Variants in PTCH1 observed in about 807,000 individuals in gnomAD.
PTCH1 encodes patched 1, also known as protein patched homolog 1.
PTCH1 carries 14 observed loss-of-function variants against 144.6 expected under a neutral mutation model. That is an observed-to-expected ratio of 0.10 (90% CI 0.06 to 0.15). The LOEUF is 0.15. Ranked by LOEUF, PTCH1 falls within the 10% of genes least tolerant of loss-of-function variation. The pLI is 1.00. For missense variants in PTCH1, 1,623 were observed against 1,948.3 expected, an observed-to-expected ratio of 0.83 and a Z score of 3.14; for synonymous variants, 833 against 793.6, an observed-to-expected ratio of 1.05 and a Z score of -0.83.
chr9:95,446,620 G>C, intron 23 of PTCH1: 1 of 533,726 alleles, frequency 1.9e-6, no homozygotes, highest in Admixed American at 3.0e-5. Flanking sequence ...CCTCCATAAA[G>C]ACTGGCAAAT....
intron 2 of PTCH1, among the ~76,000 whole-genome samples, chr9:95,496,519 T>C (rs946066627): frequency 2.7e-5 from 4 of 149,322 alleles, no homozygotes; most frequent in African/African-American, 9.9e-5. Context: ...TTGGGAGCCA[T>C]GTGAAACTGT....
chr9:95,498,244 G>A (rs886998401), intron 2 of PTCH1, among the ~76,000 whole-genome samples: 1 of 152,152 alleles, frequency 6.6e-6, no homozygotes, highest in Admixed American at 6.5e-5. Context: ...TGTGGTATGG[G>A]GACTTGCTTC....
At chr9:95,510,317 A>C (rs544427070), upstream of PTCH1, among the ~76,000 whole-genome samples, 16 of 152,274 alleles carry the variant, frequency 1.1e-4, no homozygotes, top group African/African-American at 3.6e-4. Context: ...ATGACGTAGG[A>C]GATTATAAAT....
rs2117971100 is a variant in PTCH1 at position 95,467,356 on chromosome 9, C to T, written c.2320G>A (p.Gly774Arg). 1.2e-6 allele frequency: 2 copies of T among 1,614,172 alleles called. No individual in the cohort carries two copies. Among genetic ancestry groups the T allele is most frequent in the Non-Finnish European group, 1.7e-6 (2 of 1,180,038 alleles). ...GGTACAATGTCCGTAAGGTCCAGCC[C>T]GTCTCTCACTCGGGTGGTGCCATAA... The part of the protein sequence containing the change: ...SLYGTTRVRD[G>R]LDLTDIVPRE... The change falls in exon 15 of 24, where the codon GGG becomes AGG. Residue 774 changes from glycine to arginine, a missense_variant. Around this residue, in one of 7 missense-constraint regions of PTCH1, gnomAD observed 504 missense variants for 679.3 expected, o/e 0.74. Coordinates refer to ENST00000331920, the MANE Select transcript of PTCH1 (RefSeq NM_000264.5).
intron 14 of PTCH1, among the ~76,000 whole-genome samples, chr9:95,467,988 C>A (rs949417203): frequency 6.6e-6 from 1 of 152,148 alleles, no homozygotes; most frequent in Non-Finnish European, 1.5e-5. Flanking sequence ...CTCACTGTTG[C>A]CTCCAACTCC....
At position 95,453,492 on chromosome 9, in the gene PTCH1, G is replaced by A. The variant is rs200435277; in HGVS notation, c.3435C>T (p.Phe1145=). 2.4e-4 allele frequency: 392 copies of A among 1,614,026 alleles called. 1 individual carries two copies. In the South Asian group the frequency reaches 2.8e-3, roughly 12 times the overall value. Residue 1145 remains phenylalanine, a synonymous_variant, in exon 20 of 24, where the codon TTC becomes TTT. Transcript: ENST00000331920. The part of the protein sequence containing the change: ...LGVLMLAGSE[F]DFIVRYFFAV... ...CGCCTGCTTACCTGACAATGAAGTC[G>A]AACTCAGATCCCGCCAGCATCAGCA...
rs766243182 is a variant in PTCH1, at chr9:95,453,451, CAT to C, written c.3449+25_3449+26del. The C allele has an allele frequency of 6.8e-6, 11 of 1,613,412 alleles. No homozygotes were observed. The South Asian group carries it at 8.8e-5, about 13-fold the overall frequency. On this transcript the variant is annotated intron_variant, in intron 20 of 23. Coordinates refer to ENST00000331920, the MANE Select transcript of PTCH1 (RefSeq NM_000264.5). ...GGCCCAATCACAATGATTTCTAAAA[CAT>C]GTCTCCTTGCACACGCCTGCTTACC...
At chr9:95,507,540 A>C in intron 1 of PTCH1, 1 of 713,334 alleles carries the variant, frequency 1.4e-6, no homozygotes. Context: ...CCAGGCCCTA[A>C]GGAGAGGCGG....
rs1841396845 is a variant in PTCH1 at position 95,479,980 on chromosome 9, T to C, written c.1056A>G (p.Gly352=). 2 of 1,614,150 alleles carry C rather than the reference T, an allele frequency of 1.2e-6. No individual in the cohort carries two copies. Among genetic ancestry groups the C allele is most frequent in the Middle Eastern group, 1.6e-4 (1 of 6,062 alleles). ...IVGGTVKNST[G]KLVSAHALQT... is the part of the protein sequence containing the mutation. The stretch of plus-strand genomic sequence containing the variant: ...GGGAGCTGGCTTACCTGACGAGTTT[T>C]CCAGTGCTGTTCTTGACTGTGCCAC... The change falls in exon 7 of 24, where the codon GGA becomes GGG. Residue 352 remains glycine (G), a synonymous_variant. Coordinates refer to ENST00000331920, the MANE Select transcript of PTCH1 (RefSeq NM_000264.5).
At chr9:95,504,109 T>C (rs1454110681) in intron 2 of PTCH1, among the ~76,000 whole-genome samples, 5 of 133,904 alleles carry the variant, frequency 3.7e-5, no homozygotes, top group Non-Finnish European at 6.3e-5. Flanking sequence ...TGCGATAATA[T>C]ATAACAAATG....
intron 3 of PTCH1, chr9:95,482,414 T>C (rs1841619107): frequency 1.7e-6 from 1 of 593,250 alleles, no homozygotes; most frequent in Non-Finnish European, 3.0e-6. Flanking sequence ...AGGGTGTTTA[T>C]GTAAATGAAT....
rs376685937 is a variant in PTCH1, at chr9:95,516,787, C to A, written c.-316G>T. The A allele has an allele frequency of 1.9e-5, 31 of 1,612,572 alleles. No homozygotes were observed. The African/African-American group carries it at 3.5e-4, about 18-fold the overall frequency. ...TTCGGCGGAGTGCAGCGCGGACTCA[C>A]AATTACAAGCCTGTTTCTATTAAGC... On this transcript the variant is annotated 5_prime_UTR_variant, in exon 1 of 23. Coordinates refer to the PTCH1 transcript ENST00000430669.
At position 95,456,402 on chromosome 9, in the gene PTCH1, C is replaced by A. The variant is rs757268536; in HGVS notation, c.3180G>T (p.Leu1060=). The part of the protein sequence containing the change: ...PWTAGIIVMV[L]ALMTVELFGM... ...CGAACAGCTCGACCGTCATCAGCGC[C>A]AGGACCATCACCTGGAGCAGGGCAC... is the stretch of plus-strand genomic sequence containing the variant. The change falls in exon 19 of 24, where the codon CTG becomes CTT. Residue 1060 remains leucine, a synonymous_variant. Coordinates refer to ENST00000331920, the MANE Select transcript of PTCH1 (RefSeq NM_000264.5). 1.2e-6 allele frequency: 2 copies of A among 1,613,940 alleles called. No individual in the cohort carries two copies. Among genetic ancestry groups the A allele is most frequent in the Admixed American group, 3.3e-5 (2 of 60,016 alleles).
At chr9:95,494,405 G>T (rs1842656019) in intron 2 of PTCH1, 1 of 985,394 alleles carries the variant, frequency 1.0e-6, no homozygotes, top group African/African-American at 1.7e-5. Context: ...CTTCTTCATT[G>T]GTTACTTGCC....
At chr9:95,505,492 G>T (rs1473910973) in intron 2 of PTCH1, among the ~76,000 whole-genome samples, 2 of 152,104 alleles carry the variant, frequency 1.3e-5, no homozygotes, top group African/African-American at 2.4e-5. Flanking sequence ...AAAAATGTTT[G>T]TCTTCGAAAA....
At chr9:95,507,556 A>C in intron 1 of PTCH1, 2 of 533,134 alleles carry the variant, frequency 3.8e-6, no homozygotes, top group Non-Finnish European at 4.8e-6. Flanking sequence ...GGCGGCTCAA[A>C]ACCTGGAAAA....
Position 95,470,086 on chromosome 9 carries a change from C to T in PTCH1, c.1729-155G>A, listed in dbSNP as rs1217852256. 2.6e-5 allele frequency among the ~76,000 whole-genome samples: 4 copies of T among 152,198 alleles called. 1 individual carries two copies. The highest frequency in any genetic ancestry group is 1.5e-5 in the Non-Finnish European group (1 of 68,044). On this transcript the variant is annotated intron_variant, in intron 12 of 23. Transcript: ENST00000331920. ...CAGATGTTAAGAGTTTCTTTTGCTACATCATCAAGAGCCTATTTGATAGGA... is the reference window on the plus strand; with the variant it reads ...CAGATGTTAAGAGTTTCTTTTGCTATATCATCAAGAGCCTATTTGATAGGA...
At chr9:95,451,725 T>C (rs1181228228) in intron 20 of PTCH1, 1 of 152,234 alleles carries the variant, frequency 6.6e-6, no homozygotes, top group Non-Finnish European at 1.5e-5. Flanking sequence ...GTTATATTTG[T>C]GTTAAACGAG....
intron 2 of PTCH1, among the ~76,000 whole-genome samples, chr9:95,497,207 G>C (rs1236496386): frequency 6.6e-6 from 1 of 152,108 alleles, no homozygotes; most frequent in Non-Finnish European, 1.5e-5. Context: ...CCTGAGTGTA[G>C]TCACTCTCAG....
Sources: gnomAD v4.1 joint callset for allele counts (sites outside exome capture counted in the v4.1 genomes callset) on GRCh38, gnomAD v4.1.1 for gene constraint, gnomAD v4.1.1 regional missense constraint, MANE v1.5 for transcripts, NCBI Gene and HGNC (gene_info 2026-07-23, HGNC 2026-07-21) for gene names.